The following SYNPO2 variants were observed in gnomAD, a reference collection of about 807,000 sequenced individuals.
SYNPO2 encodes the protein synaptopodin 2.
A neutral mutation model predicts 85.0 loss-of-function variants in SYNPO2; 56 were observed. The ratio of observed to expected loss-of-function variants is 0.66; its 90% CI spans 0.53 to 0.82. The LOEUF is 0.82. SYNPO2 is among the 40% of genes least tolerant of loss of function. The pLI is 0.00. For synonymous variants in SYNPO2, 602 were observed against 591.1 expected, an observed-to-expected ratio of 1.02 and a Z score of -0.27; for missense variants, 1,575 against 1,534.2, an observed-to-expected ratio of 1.03 and a Z score of -0.44.
chr4:118,857,187 A>G (rs1731521458), intron 1 of SYNPO2, among the ~76,000 whole-genome samples: 1 of 152,200 alleles, frequency 6.6e-6, no homozygotes, highest in African/African-American at 2.4e-5. Flanking sequence ...TAAAAACACA[A>G]AATACAGGTA....
intron 1 of SYNPO2, among the ~76,000 whole-genome samples, chr4:118,864,579 T>C (rs1428453591): frequency 6.6e-6 from 1 of 152,246 alleles, no homozygotes; most frequent in Non-Finnish European, 1.5e-5. Context: ...TCTGTCTGTC[T>C]CGTTAGCTCT....
chr4:118,927,758 G>T (rs895494070), intron 1 of SYNPO2, among the ~76,000 whole-genome samples: 3 of 131,578 alleles, frequency 2.3e-5, no homozygotes, highest in African/African-American at 5.9e-5. Flanking sequence ...ATGATAGATA[G>T]ATATATAGAT....
Position 118,912,810 on chromosome 4 carries a change from G to A in SYNPO2, c.105+23669G>A, listed in dbSNP as rs536046678. On this transcript the variant is annotated intron_variant, in intron 1 of 4. Transcript: ENST00000307142. ...TAGTTGGGCAAGCTCAGTATAATTA[G>A]CATTGAGACTCAGCAGTTATAAAAC... Among the ~76,000 whole-genome samples, 6 of 152,232 alleles carry A rather than the reference G, an allele frequency of 3.9e-5. No individual in the cohort carries two copies. The South Asian group carries it at 1.2e-3, about 32-fold the overall frequency.
At chr4:118,872,941 G>C (rs1006633521) in intron 1 of SYNPO2, among the ~76,000 whole-genome samples, 2 of 152,104 alleles carry the variant, frequency 1.3e-5, no homozygotes, top group African/African-American at 4.8e-5. Flanking sequence ...TTCTGTCTGA[G>C]TTGTTTCACT....
chr4:118,995,675 A>C (rs1216801383), intron 1 of SYNPO2, among the ~76,000 whole-genome samples: 1 of 152,164 alleles, frequency 6.6e-6, no homozygotes, highest in Non-Finnish European at 1.5e-5. Flanking sequence ...ACCCAGGTTT[A>C]AATCTTAGCT....
At chr4:118,891,750 A>G (rs976856148) in intron 1 of SYNPO2, among the ~76,000 whole-genome samples, 3 of 152,236 alleles carry the variant, frequency 2.0e-5, no homozygotes, top group Non-Finnish European at 2.9e-5. Context: ...AAAGAGACAG[A>G]AAGGCTAGAG....
Position 119,030,506 on chromosome 4 carries a change from A to G in SYNPO2, c.1731A>G (p.Ala577=). ...QNGFSGTSET[A]NIQRMVPMNR... ...GCTTCAGTGGGACATCTGAGACAGC[A>G]AACATCCAGAGGATGGTCCCCATGA... The change falls in exon 4 of 5, where the codon GCA becomes GCG. Residue 577 remains alanine (A), a synonymous_variant. Coordinates refer to ENST00000307142, the MANE Select transcript of SYNPO2 (RefSeq NM_133477.3). 1 of 1,614,108 alleles carries G rather than the reference A, an allele frequency of 6.2e-7. No individual in the cohort carries two copies. Among genetic ancestry groups the G allele is most frequent in the Non-Finnish European group, 8.5e-7 (1 of 1,179,964 alleles).
chr4:118,922,876 A>T (rs185337834), intron 1 of SYNPO2, among the ~76,000 whole-genome samples: 1 of 152,158 alleles, frequency 6.6e-6, no homozygotes, highest in Admixed American at 6.6e-5. Context: ...AAAAAATAAA[A>T]TCTTTTTATT....
Position 119,030,646 on chromosome 4 carries a change from C to T in SYNPO2, c.1871C>T (p.Ala624Val). The T allele has an allele frequency of 1.9e-6, 3 of 1,614,154 alleles. No individual in the cohort carries two copies. The highest frequency in any genetic ancestry group is 2.5e-6 in the Non-Finnish European group (3 of 1,180,034). The change falls in exon 4 of 5, where the codon GCA (alanine) becomes GTA (valine). Residue 624 changes from alanine (A) to valine (V), a missense_variant. By Grantham distance (64) the Ala-to-Val change is moderately conservative (BLOSUM62 0). Transcript: ENST00000307142. ...ADFPAPPPYS[A>V]VTPPPDAFSR... ...TTTCCTGCACCTCCACCTTACTCTGCAGTCACTCCTCCCCCTGACGCCTTC... is the reference window on the plus strand; with the variant it reads ...TTTCCTGCACCTCCACCTTACTCTGTAGTCACTCCTCCCCCTGACGCCTTC...
chr4:119,028,094 T>C (rs1738049873), intron 3 of SYNPO2, among the ~76,000 whole-genome samples: 1 of 152,170 alleles, frequency 6.6e-6, no homozygotes, highest in African/African-American at 2.4e-5. Context: ...ATAAAATATA[T>C]TTAAATTCAG....
Position 118,916,422 on chromosome 4 carries a change from C to T in SYNPO2, c.105+27281C>T, listed in dbSNP as rs564628919. Among the ~76,000 whole-genome samples, 23 of 152,132 alleles carry T rather than the reference C, an allele frequency of 1.5e-4. No individual in the cohort carries two copies. The East Asian group carries it at 3.7e-3, about 24-fold the overall frequency. On this transcript the variant is annotated intron_variant, in intron 1 of 4. Transcript: ENST00000307142. The stretch of plus-strand genomic sequence containing the variant: ...TCCTGGGCTCAAGTGATCCACCCCC[C>T]TCAGCCTCCCAAAATGCTGGGACTA...
rs574560014 is a variant in SYNPO2, at chr4:118,877,556, G to A, written c.12+26616G>A. 3.3e-5 allele frequency among the ~76,000 whole-genome samples: 5 copies of A among 152,250 alleles called. No individual in the cohort carries two copies. The East Asian group carries it at 9.6e-4, about 29-fold the overall frequency. Reference sequence around the variant, plus strand: ...AAAAGTGGGCAGAGGACGTGAACAAGCACTTTTCAAAAGAAGACATATACG... The same window carrying A: ...AAAAGTGGGCAGAGGACGTGAACAAACACTTTTCAAAAGAAGACATATACG... On this transcript the variant is annotated intron_variant, in intron 1 of 4. Transcript: ENST00000610556.
At chr4:118,930,807 A>G (rs192484530) in intron 1 of SYNPO2, among the ~76,000 whole-genome samples, 8 of 151,294 alleles carry the variant, frequency 5.3e-5, no homozygotes, top group Non-Finnish European at 4.4e-5. Context: ...AGCCCCAGCT[A>G]CTTGGGAAGC....
intron 1 of SYNPO2, among the ~76,000 whole-genome samples, chr4:119,022,376 A>G (rs894839789): frequency 3.9e-5 from 6 of 152,082 alleles, no homozygotes; most frequent in Admixed American, 1.3e-4. Flanking sequence ...TCTGTCCCCC[A>G]GGCTGGAGTG....
intron 1 of SYNPO2, among the ~76,000 whole-genome samples, chr4:118,944,994 G>C (rs1483231706): frequency 2.0e-5 from 3 of 152,164 alleles, no homozygotes; most frequent in Non-Finnish European, 2.9e-5. Flanking sequence ...TGGCCTCTCT[G>C]AACCTCAGCT....
chr4:118,955,840 G>A (rs1205029199), intron 1 of SYNPO2, among the ~76,000 whole-genome samples: 4 of 152,056 alleles, frequency 2.6e-5, no homozygotes, highest in Non-Finnish European at 4.4e-5. Flanking sequence ...ATGTTTGAGG[G>A]AATATTAGTC....
rs1738009261 is a variant in SYNPO2 at position 119,027,358 on chromosome 4, C to T, written c.989C>T (p.Ser330Leu). ...PPSLVSFAVS[S>L]EGTEQGEDPR... ...TCTCTGGTATCCTTTGCCGTCTCAT[C>T]AGAAGGCACAGAGCAGGGAGAAGAT... is the stretch of plus-strand genomic sequence containing the variant. Residue 330 changes from serine to leucine, a missense_variant, in exon 3 of 5, where the codon TCA becomes TTA. Ser to Leu is a moderately radical substitution (Grantham distance 145, BLOSUM62 -2). Transcript: ENST00000307142. 1 of 1,613,758 alleles carries T rather than the reference C, an allele frequency of 6.2e-7. No individual in the cohort carries two copies. Among genetic ancestry groups the T allele is most frequent in the African/African-American group, 1.3e-5 (1 of 74,892 alleles).
chr4:119,000,107 A>G (rs1736770442), intron 1 of SYNPO2, among the ~76,000 whole-genome samples: 1 of 152,194 alleles, frequency 6.6e-6, no homozygotes, highest in Non-Finnish European at 1.5e-5. Context: ...TCATGGTTCA[A>G]TGTGAGCCAC....
In SYNPO2 at chr4:118,908,884, A is replaced by C. The variant is rs1398296166; in HGVS notation, c.105+19743A>C. 8.5e-5 allele frequency among the ~76,000 whole-genome samples: 13 copies of C among 152,230 alleles called. No homozygotes were observed. In the South Asian group the frequency reaches 2.7e-3, roughly 32 times the overall value. On this transcript the variant is annotated intron_variant, in intron 1 of 4. Transcript: ENST00000307142. ...ATTTTGTTTTTAATATAGTTTACAG[A>C]ATTTAGTTTTAATATTGCTTAAAGA...
Sources: allele counts gnomAD v4.1 joint callset (sites outside exome capture counted in the v4.1 genomes callset), GRCh38; gene constraint gnomAD v4.1.1; transcripts MANE v1.5; gene names NCBI Gene and HGNC (gene_info 2026-07-23, HGNC 2026-07-21).